The following PLBD1 variants were observed in gnomAD, a reference collection of about 807,000 sequenced individuals.
The protein encoded by PLBD1 is phospholipase B domain containing 1.
Under a neutral mutation model 63.0 loss-of-function variants are expected in PLBD1, and 60 were observed. That is an observed-to-expected ratio of 0.95 (90% CI 0.77 to 1.18). The LOEUF (loss-of-function observed/expected upper bound fraction) is 1.18, where lower values mean the gene tolerates loss of function less well. PLBD1 is among the 50% of genes most tolerant of loss of function. The pLI, the probability that PLBD1 is intolerant of heterozygous loss-of-function variation, is 0.00. For synonymous variants in PLBD1, 262 were observed against 248.0 expected, an observed-to-expected ratio of 1.06 and a Z score of -0.53; for missense variants, 598 against 677.9, an observed-to-expected ratio of 0.88 and a Z score of 1.31.
At chr12:14,541,636 A>G (rs1945571968) in intron 3 of PLBD1, among the ~76,000 whole-genome samples, 1 of 152,192 alleles carries the variant, frequency 6.6e-6, no homozygotes, top group Non-Finnish European at 1.5e-5. Context: ...TAAGCATTTC[A>G]TGAAGAGGTT....
intron 6 of PLBD1, among the ~76,000 whole-genome samples, chr12:14,528,220 T>A (rs1486017098): frequency 2.6e-5 from 4 of 152,146 alleles, no homozygotes; most frequent in Non-Finnish European, 4.4e-5. Flanking sequence ...AATTACACTA[T>A]CAATTAACTT....
chr12:14,558,612 T>C (rs912718241), intron 1 of PLBD1, among the ~76,000 whole-genome samples: 2 of 152,204 alleles, frequency 1.3e-5, no homozygotes, highest in African/African-American at 4.8e-5. Context: ...TCTCTTTTCT[T>C]TCTACCCACA....
chr12:14,517,732 T>A (rs1945347144), intron 6 of PLBD1, among the ~76,000 whole-genome samples: 1 of 152,208 alleles, frequency 6.6e-6, no homozygotes, highest in African/African-American at 2.4e-5. Flanking sequence ...GACTGTTTTG[T>A]GTAAAGGATG....
intron 1 of PLBD1, among the ~76,000 whole-genome samples, chr12:14,557,934 T>C (rs2136933814): frequency 6.6e-6 from 1 of 152,074 alleles, no homozygotes; most frequent in East Asian, 1.9e-4. Context: ...TGCATACGTA[T>C]GTTCATTGCA....
chr12:14,541,704 C>G (rs4764101), intron 3 of PLBD1, among the ~76,000 whole-genome samples: 91,394 of 152,094 alleles, frequency 0.6, 28,840 homozygotes, highest in East Asian at 0.79. Flanking sequence ...AAATTAATCT[C>G]CTGTCATCCC....
chr12:14,537,999 C>A (rs1945533249), intron 4 of PLBD1, among the ~76,000 whole-genome samples: 1 of 151,988 alleles, frequency 6.6e-6, no homozygotes, highest in African/African-American at 2.4e-5. Context: ...TCCCTACTGG[C>A]ACTGTGATCT....
intron 6 of PLBD1, among the ~76,000 whole-genome samples, 155 bp from the exon 7 acceptor site, chr12:14,511,866 C>T (rs1184131835): frequency 6.6e-6 from 1 of 152,194 alleles, no homozygotes; most frequent in Non-Finnish European, 1.5e-5. Flanking sequence ...CTTTGGCTCA[C>T]CTCTGTGGTA....
intron 6 of PLBD1, among the ~76,000 whole-genome samples, chr12:14,531,627 T>C (rs1415612099): frequency 6.6e-6 from 1 of 152,180 alleles, no homozygotes; most frequent in Non-Finnish European, 1.5e-5. Flanking sequence ...CCCTAGAATG[T>C]AATCTCTTTG....
intron 6 of PLBD1, among the ~76,000 whole-genome samples, chr12:14,522,259 G>C (rs1234116745): frequency 1.3e-5 from 2 of 152,070 alleles, no homozygotes; most frequent in African/African-American, 4.8e-5. Context: ...TGAAAACTTA[G>C]AAGAAATGGA....
At position 14,555,278 on chromosome 12, in the gene PLBD1, C is replaced by T. The variant is rs568558618; in HGVS notation, c.116-1866G>A. The stretch of plus-strand genomic sequence containing the variant: ...TGCTGCTGGGAGCAGTGGCTCACAC[C>T]TGTAATCCCAGCACTTTGGGAGACC... On this transcript the variant is annotated intron_variant, in intron 1 of 10. Transcript: ENST00000240617. 2.0e-5 allele frequency among the ~76,000 whole-genome samples: 3 copies of T among 152,304 alleles called. No individual in the cohort carries two copies. In the South Asian group the frequency reaches 6.2e-4, roughly 32 times the overall value.
intron 2 of PLBD1, among the ~76,000 whole-genome samples, chr12:14,550,102 G>A (rs1284944834): frequency 6.6e-6 from 1 of 152,106 alleles, no homozygotes; most frequent in Non-Finnish European, 1.5e-5. Context: ...CTTCTATCAA[G>A]CACCAAGCCT....
intron 6 of PLBD1, among the ~76,000 whole-genome samples, chr12:14,517,822 G>C (rs1203851360): frequency 6.6e-6 from 1 of 152,154 alleles, no homozygotes; most frequent in East Asian, 1.9e-4. Flanking sequence ...GAAGTTAATG[G>C]TAGACAACTG....
At chr12:14,504,049 A>C (rs1168043971) in intron 10 of PLBD1, 95 bp from the exon 11 acceptor site, 24 of 1,212,718 alleles carry the variant, frequency 2.0e-5, no homozygotes, top group Non-Finnish European at 2.8e-5. Context: ...CCAAAGTCAC[A>C]ATATTAGCTT....
At chr12:14,532,515 G>A (rs1945474094) in intron 6 of PLBD1, among the ~76,000 whole-genome samples, 2 of 152,136 alleles carry the variant, frequency 1.3e-5, no homozygotes, top group African/African-American at 2.4e-5. Context: ...CCAGGTCATC[G>A]TGTGACCACC....
chr12:14,525,083 T>G lies in PLBD1; in HGVS notation c.844+10576A>C, dbSNP rs190267491. Among the ~76,000 whole-genome samples the G allele has an allele frequency of 7.2e-5, 11 of 152,224 alleles. 1 individual carries two copies. In the East Asian group the frequency reaches 2.1e-3, roughly 29 times the overall value. On this transcript the variant is annotated intron_variant, in intron 6 of 10. Coordinates refer to ENST00000240617, the MANE Select transcript of PLBD1 (RefSeq NM_024829.6). ...TTGGAAACCAGCCTGGCCAACATGG[T>G]GAAACTTCATCTCTACTAAAAATAC...
At chr12:14,521,345 G>T (rs1945374498) in intron 6 of PLBD1, among the ~76,000 whole-genome samples, 1 of 152,096 alleles carries the variant, frequency 6.6e-6, no homozygotes, top group Admixed American at 6.6e-5. Flanking sequence ...TGCGGTGTGT[G>T]TAACAGCCTG....
In PLBD1 at chr12:14,553,347, C is replaced by CAAGA; in HGVS notation, c.180_181insTCTT (p.Asp61SerfsTer2). ...AAGCCATAGGCGTCCCCATTCTTGT[C>CAAGA]CATTACATTTTTGACTTGTACTGTC... On this transcript the variant is annotated frameshift_variant, in exon 2 of 11. Coordinates refer to ENST00000240617, the MANE Select transcript of PLBD1 (RefSeq NM_024829.6). LOFTEE classifies it high-confidence loss of function. 6.2e-7 allele frequency: 1 copy of CAAGA among 1,614,184 alleles called. No individual in the cohort carries two copies. The highest frequency in any genetic ancestry group is 8.5e-7 in the Non-Finnish European group (1 of 1,180,044).
In PLBD1 at chr12:14,511,327, A is replaced by G; in HGVS notation, c.1119T>C (p.Thr373=). The change falls in exon 8 of 11, where the codon ACT becomes ACC. Residue 373 remains threonine (T), a synonymous_variant. Coordinates refer to ENST00000240617, the MANE Select transcript of PLBD1 (RefSeq NM_024829.6). ...VKLNHSLDKG[T]LYIVEQIPTY... is the part of the protein sequence containing the mutation. Reference sequence around the variant, plus strand: ...TAGGAATTTGCTCCACAATGTACAGAGTGCCTTTGTCAAGACTGTGGTTCA... The same window carrying G: ...TAGGAATTTGCTCCACAATGTACAGGGTGCCTTTGTCAAGACTGTGGTTCA... 6.2e-7 allele frequency: 1 copy of G among 1,612,444 alleles called. No homozygotes were observed. Among genetic ancestry groups the G allele is most frequent in the African/African-American group, 1.3e-5 (1 of 75,016 alleles).
intron 6 of PLBD1, among the ~76,000 whole-genome samples, chr12:14,529,426 T>C (rs1188799702): frequency 6.6e-6 from 1 of 152,034 alleles, no homozygotes; most frequent in African/African-American, 2.4e-5. Context: ...ATACAGAGAA[T>C]AACACATCAT....
Sources: allele counts gnomAD v4.1 joint callset (sites outside exome capture counted in the v4.1 genomes callset), GRCh38; gene constraint gnomAD v4.1.1; transcripts MANE v1.5; gene names NCBI Gene and HGNC (gene_info 2026-07-23, HGNC 2026-07-21).